The following ANKS1B variants were observed in gnomAD, a reference collection of about 807,000 sequenced individuals.
The protein encoded by ANKS1B is ankyrin repeat and sterile alpha motif domain containing 1B.
A neutral mutation model predicts 148.3 loss-of-function variants in ANKS1B; 36 were observed. The ratio of observed to expected loss-of-function variants is 0.24; its 90% confidence interval spans 0.19 to 0.32. ANKS1B has a LOEUF of 0.32. ANKS1B is among the 10% of genes least tolerant of loss of function. ANKS1B has a pLI of 1.00. For synonymous variants in ANKS1B, 542 were observed against 560.8 expected (o/e 0.97, Z 0.47); for missense variants, 1,157 against 1,542.6 (o/e 0.75, Z 4.19).
At chr12:99,625,512 T>G (rs1016280672) in intron 9 of ANKS1B, among the ~76,000 whole-genome samples, 1 of 152,192 alleles carries the variant, frequency 6.6e-6, no homozygotes, top group Non-Finnish European at 1.5e-5. Context: ...GCATCCTTCT[T>G]ACTTAAAACA....
intron 17 of ANKS1B, among the ~76,000 whole-genome samples, chr12:98,863,607 G>T (rs1263927806): frequency 6.6e-6 from 1 of 152,128 alleles, no homozygotes; most frequent in Non-Finnish European, 1.5e-5. Context: ...AGGGAGGAAG[G>T]TATTCTTATA....
At chr12:99,419,744 C>T (rs937660198) in intron 11 of ANKS1B, among the ~76,000 whole-genome samples, 4 of 152,138 alleles carry the variant, frequency 2.6e-5, no homozygotes, top group African/African-American at 7.2e-5. Flanking sequence ...TCATATCTTA[C>T]TGCAGCCTCA....
Position 99,399,625 on chromosome 12 carries a change from C to G in ANKS1B, c.1756+6G>C. On this transcript the variant is annotated splice_donor_region_variant and intron_variant, in intron 12 of 26. Transcript: ENST00000683438. The stretch of plus-strand genomic sequence containing the variant: ...AAATACAGCTGCATAAAGTGAACTG[C>G]TTTACCTGTATGGTTAGTTCCCTCA... 10 of 1,612,798 alleles carry G rather than the reference C, an allele frequency of 6.2e-6. No homozygotes were observed. The highest frequency in any genetic ancestry group is 8.5e-6 in the Non-Finnish European group (10 of 1,179,122).
intron 9 of ANKS1B, among the ~76,000 whole-genome samples, chr12:98,735,819 A>C (rs1207477878): frequency 6.6e-6 from 1 of 152,126 alleles, no homozygotes; most frequent in East Asian, 1.9e-4. Context: ...AATAAGTAAA[A>C]TCTATAGTGA....
chr12:99,782,133 T>C (rs1189200100), intron 4 of ANKS1B, 36 bp from the exon 5 acceptor site: 1 of 1,522,598 alleles, frequency 6.6e-7, no homozygotes, highest in Non-Finnish European at 8.9e-7. Flanking sequence ...GAAAGCACGG[T>C]TGCATTTGGA....
chr12:99,257,931 CA>C (rs1365627230), intron 12 of ANKS1B, among the ~76,000 whole-genome samples: 1 of 152,134 alleles, frequency 6.6e-6, no homozygotes, highest in Non-Finnish European at 1.5e-5. Flanking sequence ...TCTCTTCTAT[CA>C]GATGTTTTTA....
At chr12:99,635,341 T>C (rs1218867575) in intron 9 of ANKS1B, among the ~76,000 whole-genome samples, 1 of 152,112 alleles carries the variant, frequency 6.6e-6, no homozygotes, top group Non-Finnish European at 1.5e-5. Context: ...AGCCAAAAGG[T>C]GGAGGCAACC....
At chr12:99,809,939 A>C (rs533670991) in intron 3 of ANKS1B, among the ~76,000 whole-genome samples, 18 of 152,146 alleles carry the variant, frequency 1.2e-4, no homozygotes, top group African/African-American at 4.1e-4. Flanking sequence ...AATCTACTCT[A>C]TCTCTCTAAG....
At chr12:99,924,209 A>T (rs1321639862) in intron 1 of ANKS1B, among the ~76,000 whole-genome samples, 1 of 152,152 alleles carries the variant, frequency 6.6e-6, no homozygotes, top group African/African-American at 2.4e-5. Context: ...CCTTTTACAG[A>T]GACAGTGAAT....
intron 17 of ANKS1B, among the ~76,000 whole-genome samples, chr12:98,885,583 T>C (rs541035415): frequency 6.6e-6 from 1 of 152,332 alleles, no homozygotes; most frequent in Non-Finnish European, 1.5e-5. Flanking sequence ...AAGCCCCAGA[T>C]TATCTCGAGG....
chr12:98,768,724 A>G (rs1197594823), intron 25 of ANKS1B, among the ~76,000 whole-genome samples: 2 of 135,214 alleles, frequency 1.5e-5, no homozygotes, highest in Non-Finnish European at 3.1e-5. Flanking sequence ...ACAGAGCGAG[A>G]CTCCATCTCA....
At chr12:99,179,956 G>T (rs2153851343) in intron 14 of ANKS1B, among the ~76,000 whole-genome samples, 1 of 152,164 alleles carries the variant, frequency 6.6e-6, no homozygotes, top group East Asian at 1.9e-4. Context: ...TAAACCCTAG[G>T]CTGTAACATT....
At chr12:99,722,469 C>G (rs753547317) in intron 8 of ANKS1B, among the ~76,000 whole-genome samples, 1 of 152,106 alleles carries the variant, frequency 6.6e-6, no homozygotes, top group African/African-American at 2.4e-5. Flanking sequence ...AATAATAAAG[C>G]CTGGATGACA....
chr12:98,851,353 G>A (rs79978254), intron 17 of ANKS1B, among the ~76,000 whole-genome samples: 1,918 of 152,242 alleles, frequency 0.013, 35 homozygotes, highest in East Asian at 0.071. Flanking sequence ...ATGGCCTCAC[G>A]GAATAGAAGA....
chr12:99,560,647 A>G (rs2097324040), intron 9 of ANKS1B, among the ~76,000 whole-genome samples: 2 of 152,128 alleles, frequency 1.3e-5, no homozygotes, highest in African/African-American at 2.4e-5. Flanking sequence ...CAATAGCATT[A>G]TATCTATAAA....
At chr12:99,710,713 T>C (rs2056511431) in intron 8 of ANKS1B, among the ~76,000 whole-genome samples, 1 of 152,090 alleles carries the variant, frequency 6.6e-6, no homozygotes, top group African/African-American at 2.4e-5. Flanking sequence ...GAAAATACAA[T>C]GAAAGTAAGA....
At chr12:98,815,650 C>T (rs189396974) in intron 19 of ANKS1B, among the ~76,000 whole-genome samples, 1 of 152,256 alleles carries the variant, frequency 6.6e-6, no homozygotes, top group East Asian at 1.9e-4. Context: ...TGTGAGCTTC[C>T]TTGTTTTGGC....
chr12:99,905,700 T>TA (rs776306417), intron 1 of ANKS1B, among the ~76,000 whole-genome samples: 1 of 152,236 alleles, frequency 6.6e-6, no homozygotes, highest in Non-Finnish European at 1.5e-5. Flanking sequence ...GGCATGCAGA[T>TA]AGCTGCTTTC....
intron 15 of ANKS1B, among the ~76,000 whole-genome samples, chr12:99,123,228 G>C (rs1156674733): frequency 1.3e-5 from 2 of 152,056 alleles, no homozygotes; most frequent in Non-Finnish European, 2.9e-5. Flanking sequence ...AAAGGAGACA[G>C]GTGCTGTGTT....
Sources: gnomAD v4.1 joint callset for allele counts (sites outside exome capture counted in the v4.1 genomes callset) on GRCh38, gnomAD v4.1.1 for gene constraint, MANE v1.5 for transcripts, NCBI Gene and HGNC (gene_info 2026-07-23, HGNC 2026-07-21) for gene names.